Variants in SGCD observed in about 807,000 individuals in gnomAD.
SGCD encodes the protein delta-sarcoglycan.
In SGCD, 18 loss-of-function variants were observed where a neutral mutation model predicts 36.6. The ratio of observed to expected loss-of-function variants is 0.49; its 90% confidence interval spans 0.34 to 0.73. SGCD has a LOEUF of 0.73. Among genes scored for constraint, SGCD ranks in the 30% least tolerant of loss-of-function variants. The pLI is 0.01. For missense variants in SGCD, 387 were observed against 346.7 expected (o/e 1.12, Z -0.92); for synonymous variants, 133 against 130.6 (o/e 1.02, Z -0.12).
chr5:156,314,049 T>C (rs1767453112), intron 3 of SGCD, among the ~76,000 whole-genome samples: 1 of 151,854 alleles, frequency 6.6e-6, no homozygotes, highest in Non-Finnish European at 1.5e-5. Context: ...ATTGAATCTG[T>C]GATAAGATGG....
chr5:155,765,936 C>T, the SGCD span, among the ~76,000 whole-genome samples: 2 of 152,146 alleles, frequency 1.3e-5, no homozygotes, highest in Non-Finnish European at 2.9e-5. Flanking sequence ...GGCGTGACTG[C>T]ATTTCCTCTT....
At chr5:156,599,779 C>T (rs1212643879) in intron 6 of SGCD, among the ~76,000 whole-genome samples, 1 of 152,214 alleles carries the variant, frequency 6.6e-6, no homozygotes, top group African/African-American at 2.4e-5. Context: ...CAACCAAGAG[C>T]CATGCAGTTG....
the SGCD span, among the ~76,000 whole-genome samples, chr5:155,821,945 A>G: frequency 6.6e-6 from 1 of 152,228 alleles, no homozygotes; most frequent in Non-Finnish European, 1.5e-5. Flanking sequence ...TACATGCCTG[A>G]CATATAATAC....
the SGCD span, among the ~76,000 whole-genome samples, chr5:155,863,178 G>C: frequency 1.3e-5 from 2 of 152,160 alleles, no homozygotes; most frequent in South Asian, 4.1e-4. Flanking sequence ...CACTCTCCCA[G>C]GGCATGGACG....
intron 1 of SGCD, among the ~76,000 whole-genome samples, chr5:156,042,429 C>T (rs1328017446): frequency 1.3e-5 from 2 of 152,144 alleles, no homozygotes; most frequent in South Asian, 2.1e-4. Flanking sequence ...CCAACAAGCT[C>T]ATTTTGCCCA....
At chr5:156,339,093 ACT>A (rs1438031123) in intron 2 of SGCD, among the ~76,000 whole-genome samples, 2 of 152,128 alleles carry the variant, frequency 1.3e-5, no homozygotes, top group African/African-American at 2.4e-5. Flanking sequence ...TTCTTGGGAA[ACT>A]CTACATCTAA....
rs1159337817 is a variant in SGCD, at chr5:156,106,109, CAAAAAAAAAAAAA to C, written c.-281-11751_-281-11739del. Among the ~76,000 whole-genome samples, 9 of 34,934 alleles carry C rather than the reference CAAAAAAAAAAAAA, an allele frequency of 2.6e-4. No homozygotes were observed. The South Asian group carries it at 5.4e-3, about 21-fold the overall frequency. The allele number at this position is 34,934 out of a possible 152,430, so 22.9% of individuals were successfully genotyped here. A position where few individuals can be genotyped will look rare whatever the true frequency, so the allele number is the denominator to read the frequency against. On this transcript the variant is annotated intron_variant, in intron 1 of 9. Coordinates refer to the SGCD transcript ENST00000517913. ...TGGGTGACAGAGTGAGACTCTGCCT[CAAAAAAAAAAAAA>C]AAAAAAAAAAAAAAAAAGAAAGCAG...
At chr5:155,965,004 C>T (rs556051873) in intron 1 of SGCD, among the ~76,000 whole-genome samples, 22 of 152,192 alleles carry the variant, frequency 1.4e-4, no homozygotes, top group Non-Finnish European at 2.9e-4. Flanking sequence ...CAAGTAGGTA[C>T]TGGAATTGTT....
chr5:155,922,833 G>A (rs165951), intron 1 of SGCD, among the ~76,000 whole-genome samples: 127,353 of 152,102 alleles, frequency 0.84, 53,521 homozygotes, highest in Admixed American at 0.9. Flanking sequence ...TTTGAGGTTG[G>A]CTGTTTCATC....
At chr5:155,961,506 G>A (rs189296956) in intron 1 of SGCD, among the ~76,000 whole-genome samples, 3 of 152,098 alleles carry the variant, frequency 2.0e-5, no homozygotes, top group Admixed American at 6.6e-5. Context: ...TTAATTGGTC[G>A]GCAGTTTAAC....
chr5:156,341,154 T>C (rs929833298), intron 2 of SGCD, among the ~76,000 whole-genome samples: 7 of 152,126 alleles, frequency 4.6e-5, no homozygotes, highest in Non-Finnish European at 1.0e-4. Flanking sequence ...GCTTCTAATT[T>C]GCTGTGTGAC....
chr5:156,007,761 G>A, intron 1 of SGCD, among the ~76,000 whole-genome samples: 1 of 152,150 alleles, frequency 6.6e-6, no homozygotes, highest in East Asian at 1.9e-4. Context: ...TAAGCGACTT[G>A]TTATAAAACA....
At chr5:156,044,321 A>T (rs77005236) in intron 1 of SGCD, among the ~76,000 whole-genome samples, 17,368 of 152,164 alleles carry the variant, frequency 0.11, 2,789 homozygotes, top group African/African-American at 0.36. Flanking sequence ...TTTTGGCCCT[A>T]CATTTCCATG....
chr5:156,570,231 T>A (rs186192890), intron 4 of SGCD, among the ~76,000 whole-genome samples: 12 of 152,368 alleles, frequency 7.9e-5, no homozygotes, highest in Admixed American at 3.3e-4. Flanking sequence ...TTGTTTGGCA[T>A]TTCTTTGTGA....
intron 3 of SGCD, among the ~76,000 whole-genome samples, chr5:156,147,157 C>A (rs1561539275): frequency 6.6e-6 from 1 of 152,298 alleles, no homozygotes; most frequent in East Asian, 1.9e-4. Context: ...AACAAAATGA[C>A]TTAGTCCTAT....
chr5:155,905,758 A>T (rs1756494404), intron 1 of SGCD, among the ~76,000 whole-genome samples: 1 of 151,826 alleles, frequency 6.6e-6, no homozygotes. Flanking sequence ...ACGAGATCTG[A>T]TGGGTTTATC....
the SGCD span, among the ~76,000 whole-genome samples, chr5:155,801,486 G>A: frequency 2.0e-5 from 3 of 152,122 alleles, no homozygotes; most frequent in Non-Finnish European, 2.9e-5. Flanking sequence ...GGACTCTGAA[G>A]CTCTCCAGCC....
chr5:155,864,938 G>C, the SGCD span, among the ~76,000 whole-genome samples: 1 of 152,046 alleles, frequency 6.6e-6, no homozygotes, highest in African/African-American at 2.4e-5. Context: ...ATCTATGCTG[G>C]GCATTTTACA....
intron 4 of SGCD, among the ~76,000 whole-genome samples, chr5:156,510,490 C>T (rs2127878494): frequency 6.6e-6 from 1 of 152,296 alleles, no homozygotes; most frequent in South Asian, 2.1e-4. Context: ...GACTAATAGT[C>T]TTACCTGTAT....
Sources: gnomAD v4.1 joint callset for allele counts (sites outside exome capture counted in the v4.1 genomes callset) on GRCh38, gnomAD v4.1.1 for gene constraint, MANE v1.5 for transcripts, NCBI Gene and HGNC (gene_info 2026-07-23, HGNC 2026-07-21) for gene names.